AFAP1L1: variants seen among roughly 807,000 people sequenced by gnomAD.
AFAP1L1 encodes actin filament associated protein 1 like 1.
In AFAP1L1, 77 loss-of-function variants were observed where a neutral mutation model predicts 99.8. The observed-to-expected ratio is 0.77, with a 90% CI of 0.64 to 0.93. The LOEUF (loss-of-function observed/expected upper bound fraction) is 0.93, where lower values mean the gene tolerates loss of function less well. Among genes scored for constraint, AFAP1L1 ranks in the 40% least tolerant of loss-of-function variants. The pLI, the probability that AFAP1L1 is intolerant of heterozygous loss-of-function variation, is 0.00. For missense variants in AFAP1L1, 893 were observed against 996.8 expected (o/e 0.90, Z 1.40); for synonymous variants, 373 against 395.3 (o/e 0.94, Z 0.67).
At position 149,316,170 on chromosome 5, in the gene AFAP1L1, C is replaced by G; in HGVS notation, c.1134C>G (p.Ser378Arg). 1 of 1,613,720 alleles carries G rather than the reference C, an allele frequency of 6.2e-7. No individual in the cohort carries two copies. The highest frequency in any genetic ancestry group is 8.5e-7 in the Non-Finnish European group (1 of 1,179,690). The change falls in exon 11 of 19, where the codon AGC becomes AGG. Residue 378 changes from serine to arginine, a missense_variant. Physicochemically the swap from Ser to Arg is moderately radical, Grantham distance 110. Coordinates refer to ENST00000296721, the MANE Select transcript of AFAP1L1 (RefSeq NM_152406.4). ...CAACAGGCAAAGGGAAGAAGAGCAG[C>G]CTGGCAGAACTGAAGGGCTCAATGA... The part of the protein sequence containing the change: ...TCDHGKGKKS[S>R]LAELKGSMSR...
chr5:149,281,139 C>T (rs1755506696), intron 1 of AFAP1L1, among the ~76,000 whole-genome samples: 1 of 152,196 alleles, frequency 6.6e-6, no homozygotes, highest in Non-Finnish European at 1.5e-5. Flanking sequence ...AGCAGTCATT[C>T]ACGGTGGGGG....
chr5:149,335,790 A>C, intron 18 of AFAP1L1, 68 bp downstream of exon 18: 1 of 1,571,318 alleles, frequency 6.4e-7, no homozygotes, highest in Non-Finnish European at 8.6e-7. Context: ...AACTTCACCC[A>C]AAACCAAAAA....
chr5:149,332,847 T>C lies in AFAP1L1; in HGVS notation c.2128T>C (p.Ser710Pro). 6.2e-7 allele frequency: 1 copy of C among 1,606,018 alleles called. No individual in the cohort carries two copies. Among genetic ancestry groups the C allele is most frequent in the Non-Finnish European group, 8.5e-7 (1 of 1,177,360 alleles). The part of the protein sequence containing the change: ...SLAGGPALGL[S>P]VSSKPKSGET... ...GGCAGGAGGGCCAGCCCTGGGGCTC[T>C]CCGTGAGCAGCAAGCCCAAGAGTGG... The change falls in exon 17 of 19, where the codon TCC (serine) becomes CCC (proline). Residue 710 changes from serine (S) to proline (P), a missense_variant. Transcript: ENST00000296721.
At chr5:149,331,833 T>C (rs1244832882) in intron 16 of AFAP1L1, among the ~76,000 whole-genome samples, 1 of 152,108 alleles carries the variant, frequency 6.6e-6, no homozygotes, top group East Asian at 1.9e-4. Flanking sequence ...CTCACACTCA[T>C]GCTTCTACCC....
intron 18 of AFAP1L1, among the ~76,000 whole-genome samples, chr5:149,339,801 A>G (rs1757510141): frequency 6.6e-6 from 1 of 152,210 alleles, no homozygotes; most frequent in Admixed American, 6.5e-5. Flanking sequence ...CATTCAGGCA[A>G]CTATGTTGAG....
chr5:149,300,426 A>C (rs558163516), intron 3 of AFAP1L1, 72 bp downstream of exon 3: 2 of 1,396,272 alleles, frequency 1.4e-6, no homozygotes, highest in East Asian at 4.9e-5. Context: ...GGGTCCCCCG[A>C]CTGGGCTGGG....
chr5:149,288,216 G>A (rs983598343), intron 1 of AFAP1L1, among the ~76,000 whole-genome samples: 3 of 152,304 alleles, frequency 2.0e-5, no homozygotes, highest in South Asian at 2.1e-4. Context: ...ATGAAAAGAA[G>A]GCCAGAAGGT....
intron 18 of AFAP1L1, among the ~76,000 whole-genome samples, chr5:149,336,784 A>G (rs992686207): frequency 1.3e-5 from 2 of 152,202 alleles, no homozygotes; most frequent in African/African-American, 4.8e-5. Context: ...TCATGACCCA[A>G]TCACCTCTTA....
intron 18 of AFAP1L1, among the ~76,000 whole-genome samples, chr5:149,339,257 T>G (rs1757494110): frequency 6.8e-6 from 1 of 148,068 alleles, no homozygotes; most frequent in African/African-American, 2.5e-5. Context: ...CTTGGCTCAC[T>G]GCAACCACTG....
intron 1 of AFAP1L1, among the ~76,000 whole-genome samples, chr5:149,285,477 A>T (rs568138209): frequency 6.6e-6 from 1 of 152,174 alleles, no homozygotes; most frequent in African/African-American, 2.4e-5. Context: ...ACATTGAGAA[A>T]ACAGGCTTGG....
At chr5:149,303,027 C>G (rs937355216) in intron 5 of AFAP1L1, among the ~76,000 whole-genome samples, 1 of 152,136 alleles carries the variant, frequency 6.6e-6, no homozygotes, top group Non-Finnish European at 1.5e-5. Flanking sequence ...CAGAGGCTGT[C>G]AGAGTAGAGT....
Position 149,302,412 on chromosome 5 carries a change from T to C in AFAP1L1, c.328-6T>C. 6.4e-6 allele frequency: 10 copies of C among 1,570,426 alleles called. No homozygotes were observed. The highest frequency in any genetic ancestry group is 8.6e-6 in the Non-Finnish European group (10 of 1,157,562). Reference sequence around the variant, plus strand: ...TCCCCTAGCCCTCTTTTTTGTCCCCTTGCAGGCGGCCGACCTGCCTCCACC... The same window carrying C: ...TCCCCTAGCCCTCTTTTTTGTCCCCCTGCAGGCGGCCGACCTGCCTCCACC... On this transcript the variant is annotated splice_polypyrimidine_tract_variant and splice_region_variant and intron_variant, in intron 4 of 18. Coordinates refer to ENST00000296721, the MANE Select transcript of AFAP1L1 (RefSeq NM_152406.4).
intron 18 of AFAP1L1, among the ~76,000 whole-genome samples, chr5:149,336,248 GTA>G (rs1441818510): frequency 6.6e-6 from 1 of 152,192 alleles, no homozygotes; most frequent in Non-Finnish European, 1.5e-5. Context: ...GTGGTACCAT[GTA>G]AGCAAACATG....
rs183195202 is a variant in AFAP1L1, at chr5:149,308,922, C to A, written c.748-1034C>A. ...CCAGCCTGGGCAACAAAGCAAGACT[C>A]CGTCTCTACCAAAAAAAAAAAAAAA... On this transcript the variant is annotated intron_variant, in intron 7 of 18. Transcript: ENST00000296721. Among the ~76,000 whole-genome samples, 45 of 151,322 alleles carry A rather than the reference C, an allele frequency of 3.0e-4. 1 individual carries two copies. The highest frequency in any genetic ancestry group is 2.5e-3 in the Admixed American group (38 of 15,218).
intron 15 of AFAP1L1, among the ~76,000 whole-genome samples, chr5:149,322,962 A>G (rs973107563): frequency 3.9e-5 from 6 of 152,092 alleles, no homozygotes; most frequent in Admixed American, 3.9e-4. Context: ...ACCGGTACCC[A>G]GTTTTCTCAG....
At chr5:149,301,086 G>T (rs1335641014) in intron 3 of AFAP1L1, 47 bp from the exon 4 acceptor site, 1 of 1,578,692 alleles carries the variant, frequency 6.3e-7, no homozygotes, top group Non-Finnish European at 8.7e-7. Context: ...CCTGGTCTGT[G>T]CTGCTCATCC....
Position 149,342,461 on chromosome 5 carries a change from C to T in AFAP1L1, c.*2431C>T, listed in dbSNP as rs1757583210. ...AGCTCTATGTCATCCATATATCTCCCTCCCCTTGTACTGCAACATTCAGAA... is the reference window on the plus strand; with the variant it reads ...AGCTCTATGTCATCCATATATCTCCTTCCCCTTGTACTGCAACATTCAGAA... On this transcript the variant is annotated 3_prime_UTR_variant, in exon 19 of 19. Transcript: ENST00000296721. 6.6e-6 allele frequency among the ~76,000 whole-genome samples: 1 copy of T among 152,206 alleles called. No homozygotes were observed. The highest frequency in any genetic ancestry group is 1.5e-5 in the Non-Finnish European group (1 of 68,040).
chr5:149,311,267 G>A (rs766730230), intron 8 of AFAP1L1, among the ~76,000 whole-genome samples: 15 of 152,208 alleles, frequency 9.9e-5, no homozygotes, highest in Non-Finnish European at 1.6e-4. Flanking sequence ...AAAGAAGGGA[G>A]AGAACCTGCC....
chr5:149,322,679 G>C lies in AFAP1L1; in HGVS notation c.1772G>C (p.Arg591Pro), dbSNP rs773726334. The change falls in exon 15 of 19, where the codon CGT (arginine) becomes CCT (proline). Residue 591 changes from arginine (R) to proline (P), a missense_variant. By Grantham distance (103) the Arg-to-Pro change is moderately radical. Transcript: ENST00000296721. ...HASSCSEKSH[R>P]VDPQVKVKRH... Reference sequence around the variant, plus strand: ...TCCTCCTGCAGTGAGAAGTCCCATCGTGTGGACCCGCAGGTCAAAGTCAAA... The same window carrying C: ...TCCTCCTGCAGTGAGAAGTCCCATCCTGTGGACCCGCAGGTCAAAGTCAAA... The C allele has an allele frequency of 1.9e-6, 3 of 1,593,870 alleles. No homozygotes were observed. Among genetic ancestry groups the C allele is most frequent in the South Asian group, 1.1e-5 (1 of 87,580 alleles).
Sources: allele counts gnomAD v4.1 joint callset (sites outside exome capture counted in the v4.1 genomes callset), GRCh38; gene constraint gnomAD v4.1.1; transcripts MANE v1.5; gene names NCBI Gene and HGNC (gene_info 2026-07-23, HGNC 2026-07-21).